Variants in OSBPL11 observed in about 807,000 individuals in gnomAD.
OSBPL11 encodes oxysterol-binding protein-related protein 11.
OSBPL11 carries 33 observed loss-of-function variants against 84.4 expected under a neutral mutation model. The observed-to-expected ratio is 0.39, with a 90% CI of 0.30 to 0.52. OSBPL11 has a LOEUF of 0.52. Among genes scored for constraint, OSBPL11 ranks in the 20% least tolerant of loss-of-function variants. OSBPL11 has a pLI of 0.72. For missense variants in OSBPL11, 736 were observed against 901.1 expected (o/e 0.82, Z 2.35); for synonymous variants, 276 against 310.2 (o/e 0.89, Z 1.16).
At chr3:125,570,330 C>A (rs1281653064) in intron 5 of OSBPL11, among the ~76,000 whole-genome samples, 160 of 119,030 alleles carry the variant, frequency 1.3e-3, no homozygotes, top group African/African-American at 1.5e-3. Flanking sequence ...CCATCTCTAG[C>A]AAAAAAAAAA....
At chr3:125,548,065 G>A (rs538055319) in intron 9 of OSBPL11, among the ~76,000 whole-genome samples, 1 of 152,234 alleles carries the variant, frequency 6.6e-6, no homozygotes, top group East Asian at 1.9e-4. Flanking sequence ...TTTTAGTGGA[G>A]ACGGGGTTTC....
chr3:125,579,428 C>A (rs940498951), intron 3 of OSBPL11, among the ~76,000 whole-genome samples: 3 of 152,172 alleles, frequency 2.0e-5, no homozygotes, highest in African/African-American at 7.2e-5. Flanking sequence ...AAATAAAAAA[C>A]TTCTACACAA....
chr3:125,567,992 TAAA>T (rs35693186), intron 5 of OSBPL11, among the ~76,000 whole-genome samples: 7 of 117,810 alleles, frequency 5.9e-5, no homozygotes, highest in Admixed American at 8.8e-5. Context: ...AAACCCCGTC[TAAA>T]AAAAAAAAAA....
chr3:125,591,644 GA>G (rs1224345327), intron 1 of OSBPL11, among the ~76,000 whole-genome samples: 2 of 152,148 alleles, frequency 1.3e-5, no homozygotes, highest in African/African-American at 2.4e-5. Flanking sequence ...AGAGCCAGAA[GA>G]CCCAGCTAAG....
rs181679515 is a variant in OSBPL11, at chr3:125,531,990, G to T, written c.2049C>A (p.Asp683Glu). The change falls in exon 12 of 13, where the codon GAC becomes GAA. Residue 683 changes from aspartate (D) to glutamate (E), a missense_variant. By Grantham distance (45) the Asp-to-Glu change is conservative (BLOSUM62 2). This residue lies in a region of OSBPL11 where 579 missense variants were observed against 717.6 expected (regional missense o/e 0.81). Coordinates refer to ENST00000296220, the MANE Select transcript of OSBPL11 (RefSeq NM_022776.5). ...ESRRLWKNVT[D>E]SLRESEIDKA... ...TATCAATTTCAGATTCTCTCAGCGA[G>T]TCTGTCACATTTTTCCACAATCGCC... The T allele has an allele frequency of 3.1e-6, 5 of 1,606,552 alleles. No homozygotes were observed. In the Admixed American group the frequency reaches 8.7e-5, roughly 28 times the overall value.
chr3:125,558,286 C>T (rs576498215), intron 8 of OSBPL11, among the ~76,000 whole-genome samples: 1 of 152,296 alleles, frequency 6.6e-6, no homozygotes, highest in Non-Finnish European at 1.5e-5. Context: ...ACTGCAAACA[C>T]CATGCTAACT....
intron 10 of OSBPL11, among the ~76,000 whole-genome samples, chr3:125,547,165 T>C (rs1222895168): frequency 6.6e-6 from 1 of 152,236 alleles, no homozygotes; most frequent in Non-Finnish European, 1.5e-5. Context: ...TTAGAAATTC[T>C]ACTATAAAGC....
intron 1 of OSBPL11, among the ~76,000 whole-genome samples, chr3:125,584,828 C>A (rs2922181): frequency 1.3e-5 from 2 of 152,176 alleles, no homozygotes; most frequent in Admixed American, 6.5e-5. Flanking sequence ...TGAAGGTACT[C>A]CCCATTTTGG....
At chr3:125,579,791 T>A in intron 3 of OSBPL11, 74 bp downstream of exon 3, 2 of 1,350,394 alleles carry the variant, frequency 1.5e-6, no homozygotes, top group Non-Finnish European at 2.1e-6. Context: ...AAAGCCCATA[T>A]GAAAGCATGT....
chr3:125,594,703 C>A lies in OSBPL11; in HGVS notation c.98G>T (p.Ser33Ile). 6 of 1,614,198 alleles carry A rather than the reference C, an allele frequency of 3.7e-6. 1 individual carries two copies. The highest frequency in any genetic ancestry group is 8.5e-7 in the Non-Finnish European group (1 of 1,180,046). Residue 33 changes from serine to isoleucine, a missense_variant, in exon 1 of 13, where the codon AGC (serine) becomes ATC (isoleucine). Physicochemically the swap from Ser to Ile is moderately radical, Grantham distance 142. Around this residue, in one of 3 missense-constraint regions of OSBPL11, gnomAD observed 114 missense variants for 104.9 expected, o/e 1.09. Transcript: ENST00000296220. ...GCTGCTACTGATTCCACCTCCACAG[C>A]TGCTGTTCTTGTTCGGGGTCACCGC... ...ATAVTPNKNS[S>I]CGGGISSSSS...
chr3:125,557,938 G>C (rs1936016498), intron 8 of OSBPL11, among the ~76,000 whole-genome samples: 1 of 151,320 alleles, frequency 6.6e-6, no homozygotes, highest in Non-Finnish European at 1.5e-5. Context: ...GACTGCAGTC[G>C]TGCACCACCA....
chr3:125,529,825 T>C lies in OSBPL11; in HGVS notation c.*690A>G, dbSNP rs1172154179. 1 of 152,672 alleles carries C rather than the reference T, an allele frequency of 6.5e-6. No individual in the cohort carries two copies. The highest frequency in any genetic ancestry group is 1.5e-5 in the Non-Finnish European group (1 of 68,048). The allele number at this position is 152,672 out of a possible 1,614,324, so 9.5% of individuals were successfully genotyped here. A position where few individuals can be genotyped will look rare whatever the true frequency, so the allele number is the denominator to read the frequency against. On this transcript the variant is annotated 3_prime_UTR_variant, in exon 13 of 13. Coordinates refer to ENST00000296220, the MANE Select transcript of OSBPL11 (RefSeq NM_022776.5). ...TTCAAGTCAATGTTGTTTTCAAGTA[T>C]ATTAAAATGCTCAGAAGAAAAAATT...
intron 10 of OSBPL11, among the ~76,000 whole-genome samples, chr3:125,544,337 T>A (rs1001364011): frequency 4.6e-5 from 7 of 152,320 alleles, no homozygotes; most frequent in South Asian, 2.1e-4. Flanking sequence ...ATTACAGGCG[T>A]GAGCTACTGC....
intron 9 of OSBPL11, among the ~76,000 whole-genome samples, chr3:125,549,233 A>G (rs960873809): frequency 6.6e-6 from 1 of 152,190 alleles, no homozygotes; most frequent in African/African-American, 2.4e-5. Flanking sequence ...CATGTTGGCC[A>G]GGCTGGTCTC....
Position 125,528,897 on chromosome 3 carries a change from A to G in OSBPL11, c.*1618T>C, listed in dbSNP as rs548357666. 4 of 152,768 alleles carry G rather than the reference A, an allele frequency of 2.6e-5. No individual in the cohort carries two copies. In the South Asian group the frequency reaches 8.3e-4, roughly 32 times the overall value. 9.5% of individuals were successfully genotyped at this position (152,768 alleles called of 1,614,324 possible). A position where few individuals can be genotyped will look rare whatever the true frequency, so the allele number is the denominator to read the frequency against. On this transcript the variant is annotated 3_prime_UTR_variant, in exon 13 of 13. Coordinates refer to ENST00000296220, the MANE Select transcript of OSBPL11 (RefSeq NM_022776.5). Reference sequence around the variant, plus strand: ...GTTTTATTATTTGTCAATTTTCCCAACACAGGAACTATAACTCATTTTGAG... The same window carrying G: ...GTTTTATTATTTGTCAATTTTCCCAGCACAGGAACTATAACTCATTTTGAG...
intron 11 of OSBPL11, among the ~76,000 whole-genome samples, chr3:125,533,814 TTTTAA>T (rs1466542824): frequency 6.6e-6 from 1 of 152,222 alleles, no homozygotes; most frequent in East Asian, 1.9e-4. Context: ...TAATTGGTAA[TTTTAA>T]TAACCAATCT....
At chr3:125,539,327 AT>A (rs1935690800) in intron 10 of OSBPL11, among the ~76,000 whole-genome samples, 3 of 114,832 alleles carry the variant, frequency 2.6e-5, no homozygotes, top group African/African-American at 8.0e-5. Context: ...ATATATATAT[AT>A]ATATATATAT....
At chr3:125,578,880 A>AT in intron 4 of OSBPL11, 80 bp downstream of exon 4, 1 of 807,176 alleles carries the variant, frequency 1.2e-6, no homozygotes. Context: ...TATGAATAGT[A>AT]TCTCAATTTT....
chr3:125,531,929 G>T lies in OSBPL11; in HGVS notation c.2110C>A (p.Gln704Lys), dbSNP rs1325012454. ...GTACGATGCCTTTCTTCAGTCCTCT[G>T]ACGTTCTTCCAGGGTATGCTTATGC... is the stretch of plus-strand genomic sequence containing the variant. ...TEHKHTLEER[Q>K]RTEERHRTET... Residue 704 changes from glutamine to lysine, a missense_variant, in exon 12 of 13, where the codon CAG becomes AAG. Physicochemically the swap from Gln to Lys is moderately conservative, Grantham distance 53. This residue lies in a region of OSBPL11 where 579 missense variants were observed against 717.6 expected (regional missense o/e 0.81). Transcript: ENST00000296220. 1.2e-6 allele frequency: 2 copies of T among 1,614,044 alleles called. No homozygotes were observed. The highest frequency in any genetic ancestry group is 3.3e-5 in the Admixed American group (2 of 60,004).
Sources: allele counts gnomAD v4.1 joint callset (sites outside exome capture counted in the v4.1 genomes callset), GRCh38; gene constraint gnomAD v4.1.1; regional missense constraint gnomAD v4.1.1; transcripts MANE v1.5; gene names NCBI Gene and HGNC (gene_info 2026-07-23, HGNC 2026-07-21).